The following ADAMTS18 variants were observed in gnomAD, a reference collection of about 807,000 sequenced individuals.
ADAMTS18 encodes A disintegrin and metalloproteinase with thrombospondin motifs 18.
A neutral mutation model predicts 165.9 loss-of-function variants in ADAMTS18; 157 were observed. The observed-to-expected ratio is 0.95, with a 90% CI of 0.83 to 1.08. The LOEUF (loss-of-function observed/expected upper bound fraction) is 1.08. Among genes scored for constraint, ADAMTS18 ranks in the 50% least tolerant of loss-of-function variants. ADAMTS18 has a pLI of 0.00. For synonymous variants in ADAMTS18, 782 were observed against 578.2 expected, an observed-to-expected ratio of 1.35 and a Z score of -5.06; for missense variants, 2,040 against 1,534.0, an observed-to-expected ratio of 1.33 and a Z score of -5.51.
chr16:77,287,300 T>TCAAACGACATTCATAGTAGTCACC (rs1567452058), intron 22 of ADAMTS18, among the ~76,000 whole-genome samples: 8 of 152,216 alleles, frequency 5.3e-5, no homozygotes, highest in Non-Finnish European at 1.0e-4. Context: ...GAAAATACAC[T>TCAAACGACATTCATAGTAGTCACC]CAAACGACAT....
At chr16:77,296,259 T>G (rs1597089240) in intron 18 of ADAMTS18, among the ~76,000 whole-genome samples, 1 of 152,276 alleles carries the variant, frequency 6.6e-6, no homozygotes, top group East Asian at 1.9e-4. Flanking sequence ...AACAATAGTG[T>G]GGCTAAAGTC....
At chr16:77,325,048 C>G (rs981575502) in intron 13 of ADAMTS18, among the ~76,000 whole-genome samples, 8 of 152,202 alleles carry the variant, frequency 5.3e-5, no homozygotes, top group Non-Finnish European at 8.8e-5. Context: ...TATTAGCTTC[C>G]TTTATGATCA....
intron 10 of ADAMTS18, 81 bp from the exon 11 acceptor site, chr16:77,341,880 T>C (rs1414832269): frequency 1.7e-5 from 19 of 1,124,836 alleles, no homozygotes; most frequent in Non-Finnish European, 2.5e-5. Flanking sequence ...GTATATAATA[T>C]TATATTTTGG....
chr16:77,390,922 G>T (rs1003473934), intron 3 of ADAMTS18, among the ~76,000 whole-genome samples: 1 of 152,160 alleles, frequency 6.6e-6, no homozygotes, highest in Non-Finnish European at 1.5e-5. Context: ...ATACTAAACA[G>T]TCTGGAAAGT....
chr16:77,356,191 G>T, intron 8 of ADAMTS18, 114 bp from the exon 9 acceptor site: 1 of 1,406,612 alleles, frequency 7.1e-7, no homozygotes, highest in Non-Finnish European at 1.0e-6. Flanking sequence ...GAGAGACAGA[G>T]TTATTAAAAC....
chr16:77,399,118 T>C (rs924778111), intron 3 of ADAMTS18, among the ~76,000 whole-genome samples: 1 of 152,194 alleles, frequency 6.6e-6, no homozygotes, highest in Non-Finnish European at 1.5e-5. Context: ...AGCTAGAAGC[T>C]AGACCCACCA....
chr16:77,414,795 A>T (rs750098955), intron 3 of ADAMTS18, among the ~76,000 whole-genome samples: 1 of 152,234 alleles, frequency 6.6e-6, no homozygotes. Flanking sequence ...GTAATCCATC[A>T]ATAAGAATTC....
chr16:77,369,511 C>T (rs2056846499), intron 3 of ADAMTS18, among the ~76,000 whole-genome samples: 1 of 152,130 alleles, frequency 6.6e-6, no homozygotes, highest in South Asian at 2.1e-4. Flanking sequence ...ACAGAGAAAT[C>T]CTGGACAAAC....
intron 16 of ADAMTS18, among the ~76,000 whole-genome samples, chr16:77,309,371 A>T (rs1391530319): frequency 6.6e-6 from 1 of 152,172 alleles, no homozygotes; most frequent in Non-Finnish European, 1.5e-5. Flanking sequence ...GACCTAAGAC[A>T]ATCATACAAA....
chr16:77,365,653 T>G (rs2056782739), intron 4 of ADAMTS18, among the ~76,000 whole-genome samples: 3 of 152,166 alleles, frequency 2.0e-5, no homozygotes, highest in Admixed American at 2.0e-4. Flanking sequence ...TGCCTTTAGT[T>G]AATGGACAGC....
chr16:77,311,197 G>C (rs968431325), intron 16 of ADAMTS18, among the ~76,000 whole-genome samples: 4 of 152,188 alleles, frequency 2.6e-5, no homozygotes, highest in Non-Finnish European at 4.4e-5. Flanking sequence ...AGGACTTAGT[G>C]AATATACAAT....
rs2057385505 is a variant in ADAMTS18, at chr16:77,405,711, C to T, written c.495+25584G>A. Among the ~76,000 whole-genome samples the T allele has an allele frequency of 3.9e-5, 6 of 151,908 alleles. No individual in the cohort carries two copies. The South Asian group carries it at 1.2e-3, about 31-fold the overall frequency. On this transcript the variant is annotated intron_variant, in intron 3 of 22. Coordinates refer to ENST00000282849, the MANE Select transcript of ADAMTS18 (RefSeq NM_199355.4). ...AAAAGTCTAATATCGAAGCTCTGGC[C>T]ACTATGGTTCCTGATGAGGGCTGAC...
chr16:77,370,718 C>T (rs182164874), intron 3 of ADAMTS18, among the ~76,000 whole-genome samples: 8 of 152,032 alleles, frequency 5.3e-5, no homozygotes, highest in Admixed American at 4.6e-4. Flanking sequence ...CCACTGCACT[C>T]CAGCGTGGGC....
intron 18 of ADAMTS18, 96 bp from the exon 19 acceptor site, chr16:77,295,223 T>C: frequency 7.8e-7 from 1 of 1,276,268 alleles, no homozygotes; most frequent in Non-Finnish European, 1.1e-6. Flanking sequence ...ATGGAAGCCA[T>C]GAATCAATTT....
At chr16:77,289,139 T>C (rs1289612688) in intron 22 of ADAMTS18, 125 bp downstream of exon 22, 3 of 1,269,492 alleles carry the variant, frequency 2.4e-6, no homozygotes, top group East Asian at 4.6e-5. Flanking sequence ...CACTGTCACA[T>C]AGACTTCGGG....
chr16:77,412,417 T>C (rs12929786), intron 3 of ADAMTS18, among the ~76,000 whole-genome samples: 90,771 of 151,898 alleles, frequency 0.6, 28,039 homozygotes, highest in Middle Eastern at 0.73. Flanking sequence ...CTGCAATTCA[T>C]GGACTCAAGC....
intron 16 of ADAMTS18, among the ~76,000 whole-genome samples, chr16:77,302,425 G>A (rs538058602): frequency 6.6e-6 from 1 of 152,242 alleles, no homozygotes; most frequent in South Asian, 2.1e-4. Context: ...GCAATACAAT[G>A]TGAGTGCAAT....
rs1022211374 is a variant in ADAMTS18, at chr16:77,434,569, G to A, written c.90+37C>T. ...GCGGGGCTGGCGTCGGGCGCCCCCTGCCACCCGCTCTCGGAGCTCCGCTCG... is the reference window on the plus strand; with the variant it reads ...GCGGGGCTGGCGTCGGGCGCCCCCTACCACCCGCTCTCGGAGCTCCGCTCG... On this transcript the variant is annotated intron_variant, in intron 1 of 22. Transcript: ENST00000282849. 5.9e-6 allele frequency: 9 copies of A among 1,530,302 alleles called. No homozygotes were observed. The East Asian group carries it at 7.4e-5, about 13-fold the overall frequency. The allele number at this position is 1,530,302 out of a possible 1,614,324, so 94.8% of individuals were successfully genotyped here.
intron 3 of ADAMTS18, among the ~76,000 whole-genome samples, chr16:77,428,207 T>A (rs1269608639): frequency 6.6e-6 from 1 of 152,128 alleles, no homozygotes; most frequent in South Asian, 2.1e-4. Context: ...TCGGTCTCTG[T>A]ATTAATAGGA....
Sources: allele counts gnomAD v4.1 joint callset (sites outside exome capture counted in the v4.1 genomes callset), GRCh38; gene constraint gnomAD v4.1.1; transcripts MANE v1.5; gene names NCBI Gene and HGNC (gene_info 2026-07-23, HGNC 2026-07-21).